GARNL3: variants seen among roughly 807,000 people sequenced by gnomAD.
GARNL3 encodes GTPase activating Rap/RanGAP domain like 3, also known as GTPase-activating Rap/Ran-GAP domain-like protein 3.
Under a neutral mutation model 125.0 loss-of-function variants are expected in GARNL3, and 63 were observed. The ratio of observed to expected loss-of-function variants is 0.50; its 90% CI spans 0.41 to 0.62. GARNL3 has a LOEUF of 0.62. Ranked by LOEUF, GARNL3 falls within the 20% of genes least tolerant of loss-of-function variation. The pLI is 0.00. For synonymous variants in GARNL3, 439 were observed against 457.5 expected (o/e 0.96, Z 0.52); for missense variants, 994 against 1,244.0 (o/e 0.80, Z 3.02).
intron 2 of GARNL3, among the ~76,000 whole-genome samples, chr9:127,295,786 C>A (rs1347540198): frequency 6.6e-6 from 1 of 152,072 alleles, no homozygotes; most frequent in Non-Finnish European, 1.5e-5. Flanking sequence ...CTTTTTAGCA[C>A]CAGGGACCAG....
intron 1 of GARNL3, among the ~76,000 whole-genome samples, chr9:127,273,518 A>T (rs112483144): frequency 2.3e-3 from 349 of 152,350 alleles, no homozygotes; most frequent in Middle Eastern, 0.017. Context: ...AATGGTTTAA[A>T]TTTAATTCCT....
chr9:127,263,701 C>T (rs375660487), upstream of GARNL3: 52 of 1,150,980 alleles, frequency 4.5e-5, 1 homozygote, highest in Middle Eastern at 1.5e-3. Context: ...ATCTGGAACA[C>T]TTTCAAACTG....
intron 1 of GARNL3, among the ~76,000 whole-genome samples, chr9:127,232,182 G>A (rs1019728946): frequency 2.6e-5 from 4 of 152,210 alleles, no homozygotes; most frequent in Admixed American, 6.5e-5. Context: ...GCCACTTGCA[G>A]TACCAATGTT....
chr9:127,365,715 C>A (rs988876607), intron 22 of GARNL3, among the ~76,000 whole-genome samples: 1 of 152,108 alleles, frequency 6.6e-6, no homozygotes, highest in African/African-American at 2.4e-5. Flanking sequence ...GCAGCAGGCT[C>A]GGTTATTATC....
rs1023654954 is a variant in GARNL3 at position 127,266,729 on chromosome 9, T to G, written c.144+1708T>G. On this transcript the variant is annotated intron_variant, in intron 1 of 27. Transcript: ENST00000373387. This position sits in a 1 kb window ranked among gnomAD's most constrained non-coding sequence, Gnocchi z 4.0. ...CACAGTTTATGTTAACCAGCTGCAG[T>G]CATAAAGACAAAATTCAGTAGCAAA... 2.0e-5 allele frequency among the ~76,000 whole-genome samples: 3 copies of G among 152,188 alleles called. No homozygotes were observed. The highest frequency in any genetic ancestry group is 2.0e-4 in the Admixed American group (3 of 15,276).
Position 127,336,212 on chromosome 9 carries a change from T to C in GARNL3, c.958T>C (p.Ser320Pro). The C allele has an allele frequency of 6.2e-7, 1 of 1,613,522 alleles. No individual in the cohort carries two copies. Among genetic ancestry groups the C allele is most frequent in the East Asian group, 2.2e-5 (1 of 44,870 alleles). Residue 320 changes from serine to proline, a missense_variant, in exon 11 of 28, where the codon TCC (serine) becomes CCC (proline). Physicochemically the swap from Ser to Pro is moderately conservative, Grantham distance 74 (BLOSUM62 -1). Transcript: ENST00000373387. ...GGAATCTTCTCCTGCCTTTAAGCCT[T>C]CCATGATCCGCTCCCACTTTACACG... ...GEESSPAFKPSMIRSHFTHIF... is the reference protein window; with the variant it reads ...GEESSPAFKPPMIRSHFTHIF...
intron 5 of GARNL3, among the ~76,000 whole-genome samples, chr9:127,320,453 A>C (rs2065363785): frequency 6.6e-6 from 1 of 152,258 alleles, no homozygotes; most frequent in Admixed American, 6.5e-5. Context: ...AATAAAAATA[A>C]GAATCTAGAA....
intron 1 of GARNL3, among the ~76,000 whole-genome samples, chr9:127,275,617 A>G (rs2063934269): frequency 6.6e-6 from 1 of 152,190 alleles, no homozygotes; most frequent in Non-Finnish European, 1.5e-5. Flanking sequence ...TGGGTTCTGA[A>G]ATTTGCTTCC....
chr9:127,326,177 C>G (rs1364259327), intron 7 of GARNL3, among the ~76,000 whole-genome samples: 1 of 152,184 alleles, frequency 6.6e-6, no homozygotes, highest in East Asian at 1.9e-4. Flanking sequence ...ATAGTACACC[C>G]TGCCTGTCAC....
At chr9:127,365,465 A>G (rs1008640382) in intron 22 of GARNL3, 99 bp downstream of exon 22, 11 of 979,072 alleles carry the variant, frequency 1.1e-5, no homozygotes, top group Admixed American at 3.8e-5. Context: ...TACCCAGTGT[A>G]TCATTCCTGG....
At chr9:127,241,720 C>T (rs950570048) in intron 1 of GARNL3, among the ~76,000 whole-genome samples, 6 of 151,966 alleles carry the variant, frequency 3.9e-5, no homozygotes, top group African/African-American at 1.5e-4. Context: ...GCATTAGGCA[C>T]AGGTCATTAG....
At chr9:127,332,764 C>A (rs1313412997) in intron 8 of GARNL3, among the ~76,000 whole-genome samples, 2 of 152,100 alleles carry the variant, frequency 1.3e-5, no homozygotes, top group Non-Finnish European at 2.9e-5. Context: ...TTTTGTTTTG[C>A]GATAGTAAAC....
At chr9:127,292,931 A>T (rs1056530884) in intron 2 of GARNL3, among the ~76,000 whole-genome samples, 1 of 152,142 alleles carries the variant, frequency 6.6e-6, no homozygotes, top group South Asian at 2.1e-4. Flanking sequence ...AATTTGGGGG[A>T]GTTACTGATT....
intron 1 of GARNL3, among the ~76,000 whole-genome samples, chr9:127,234,109 C>G (rs972242138): frequency 6.6e-6 from 1 of 152,188 alleles, no homozygotes; most frequent in Non-Finnish European, 1.5e-5. Context: ...CTATTAAAAG[C>G]TGTCTAGTAT....
chr9:127,359,593 CT>C (rs779166854), intron 21 of GARNL3, among the ~76,000 whole-genome samples: 1 of 152,166 alleles, frequency 6.6e-6, no homozygotes, highest in Non-Finnish European at 1.5e-5. Context: ...TCAATCAGTC[CT>C]TTTCCTGGCA....
intron 1 of GARNL3, among the ~76,000 whole-genome samples, chr9:127,270,957 T>G (rs1308606041): frequency 7.1e-6 from 1 of 141,412 alleles, no homozygotes; most frequent in Non-Finnish European, 1.5e-5. Context: ...TCCTCTTTGT[T>G]CAGGTATCTA....
chr9:127,238,805 C>T (rs1162068642), intron 1 of GARNL3, among the ~76,000 whole-genome samples: 4 of 152,164 alleles, frequency 2.6e-5, no homozygotes, highest in Admixed American at 1.3e-4. Context: ...TCCGGTGCTG[C>T]GTTTCTCATA....
chr9:127,358,837 A>G (rs1178933351), intron 21 of GARNL3, among the ~76,000 whole-genome samples: 4 of 152,120 alleles, frequency 2.6e-5, no homozygotes, highest in Non-Finnish European at 5.9e-5. Context: ...GTCCCCAGAT[A>G]ATTGTAATAT....
intron 21 of GARNL3, chr9:127,363,435 G>A (rs1831119742): frequency 6.6e-6 from 1 of 152,282 alleles, no homozygotes; most frequent in Admixed American, 6.5e-5. Flanking sequence ...TACAGTGCTA[G>A]ATAATGACAG....
Sources: allele counts gnomAD v4.1 joint callset (sites outside exome capture counted in the v4.1 genomes callset), GRCh38; gene constraint gnomAD v4.1.1; non-coding constraint Gnocchi (gnomAD v3.1); transcripts MANE v1.5; gene names NCBI Gene and HGNC (gene_info 2026-07-23, HGNC 2026-07-21).